Variants in GON4L observed in about 807,000 individuals in gnomAD.
GON4L encodes gon-4 like.
In GON4L, 87 loss-of-function variants were observed where a neutral mutation model predicts 211.8. The ratio of observed to expected loss-of-function variants is 0.41; its 90% CI spans 0.35 to 0.49. The LOEUF is 0.49. Ranked by LOEUF, GON4L falls within the 20% of genes least tolerant of loss-of-function variation. The pLI, the probability that GON4L is intolerant of heterozygous loss-of-function variation, is 0.15. For missense variants in GON4L, 2,155 were observed against 2,659.5 expected (o/e 0.81, Z 4.17); for synonymous variants, 875 against 962.6 (o/e 0.91, Z 1.68).
intron 2 of GON4L, among the ~76,000 whole-genome samples, chr1:155,849,136 T>C (rs1466711385): frequency 5.9e-5 from 5 of 84,588 alleles, no homozygotes; most frequent in Non-Finnish European, 6.4e-5. Flanking sequence ...CAACAGAGAC[T>C]CCATCTCAAA....
At chr1:155,748,886 C>G (rs575791452), downstream of GON4L, 4 of 1,158,266 alleles carry the variant, frequency 3.5e-6, no homozygotes, top group African/African-American at 6.2e-5. Context: ...GTTCCCTCCC[C>G]ACCCCTTAAA....
intron 2 of GON4L, chr1:155,845,262 T>C (rs1671125928): frequency 6.1e-6 from 1 of 163,120 alleles, no homozygotes; most frequent in African/African-American, 2.4e-5. Context: ...GCAACAAAAG[T>C]GACATTCGGT....
At chr1:155,781,818 A>G (rs1162009073) in intron 14 of GON4L, among the ~76,000 whole-genome samples, 1 of 151,772 alleles carries the variant, frequency 6.6e-6, no homozygotes, top group African/African-American at 2.4e-5. Flanking sequence ...GTACAGTGGC[A>G]CAATCTCAGC....
At position 155,765,157 on chromosome 1, in the gene GON4L, C is replaced by T; in HGVS notation, c.4316G>A (p.Gly1439Asp). 1 of 1,614,186 alleles carries T rather than the reference C, an allele frequency of 6.2e-7. No individual in the cohort carries two copies. Among genetic ancestry groups the T allele is most frequent in the South Asian group, 1.1e-5 (1 of 91,090 alleles). The change falls in exon 21 of 32, where the codon GGT becomes GAT. Residue 1439 changes from glycine (G) to aspartate (D), a missense_variant. Around this residue, in one of 6 missense-constraint regions of GON4L, gnomAD observed 615 missense variants for 625.7 expected, o/e 0.98. Coordinates refer to ENST00000368331, the MANE Select transcript of GON4L (RefSeq NM_001282860.2). ...GKPEDSSSVD[G>D]QSVGTPVGPE... is the part of the protein sequence containing the mutation. ...CCCAACTGGAGTCCCCACTGACTGACCATCAACACTGGATGAATCTTCTGG... is the reference window on the plus strand; with the variant it reads ...CCCAACTGGAGTCCCCACTGACTGATCATCAACACTGGATGAATCTTCTGG...
intron 11 of GON4L, among the ~76,000 whole-genome samples, chr1:155,795,858 G>A (rs1414210516): frequency 6.6e-6 from 1 of 152,126 alleles, no homozygotes; most frequent in East Asian, 1.9e-4. Context: ...GACTGGTCTT[G>A]AACTCCTGGG....
intron 8 of GON4L, 104 bp downstream of exon 8, chr1:155,815,701 G>T: frequency 1.3e-6 from 1 of 749,408 alleles, no homozygotes; most frequent in Non-Finnish European, 2.4e-6. Context: ...GAAATGAGCT[G>T]AAAAAAGAAC....
chr1:155,786,095 C>CAAA (rs950762467), intron 12 of GON4L, among the ~76,000 whole-genome samples: 19 of 55,612 alleles, frequency 3.4e-4, no homozygotes, highest in Middle Eastern at 9.6e-3. Context: ...GACTCTGTCT[C>CAAA]AAAAAACAAC....
intron 17 of GON4L, among the ~76,000 whole-genome samples, chr1:155,774,185 T>C (rs561092443): frequency 1.7e-4 from 26 of 152,348 alleles, no homozygotes; most frequent in Non-Finnish European, 3.2e-4. Flanking sequence ...TGCAAATTTC[T>C]TTAAAATACT....
rs774683992 is a variant in GON4L at position 155,766,159 on chromosome 1, A to G, written c.3314T>C (p.Leu1105Pro). ...TGGCTTTCGAAACTTAGAAGGGGCA[A>G]GGGAGGGCAGCATTACCTTGGGCAC... ...APVPKVMLPS[L>P]APSKFRKPYV... Residue 1105 changes from leucine (L) to proline (P), a missense_variant, in exon 21 of 32, where the codon CTT (leucine) becomes CCT (proline). By Grantham distance (98) the Leu-to-Pro change is moderately conservative. Coordinates refer to ENST00000368331, the MANE Select transcript of GON4L (RefSeq NM_001282860.2). The G allele has an allele frequency of 3.3e-5, 53 of 1,614,080 alleles. No individual in the cohort carries two copies. Among genetic ancestry groups the G allele is most frequent in the East Asian group, 2.2e-4 (10 of 44,864 alleles).
At chr1:155,828,740 G>A (rs558867981) in intron 2 of GON4L, among the ~76,000 whole-genome samples, 123 of 151,216 alleles carry the variant, frequency 8.1e-4, no homozygotes, top group African/African-American at 2.9e-3. Flanking sequence ...CCCAGGAGGC[G>A]GAGGTTGCAG....
At chr1:155,798,683 C>T (rs981666911) in intron 11 of GON4L, among the ~76,000 whole-genome samples, 4 of 146,874 alleles carry the variant, frequency 2.7e-5, no homozygotes, top group African/African-American at 7.5e-5. Context: ...CCTCCCAAAG[C>T]GCAGGGATTA....
At chr1:155,790,162 C>T (rs925620115) in intron 12 of GON4L, among the ~76,000 whole-genome samples, 9 of 151,842 alleles carry the variant, frequency 5.9e-5, no homozygotes, top group Non-Finnish European at 8.8e-5. Flanking sequence ...TGCAGTGGCG[C>T]GATCTCGGCT....
intron 6 of GON4L, among the ~76,000 whole-genome samples, chr1:155,817,786 T>C (rs1394482493): frequency 1.3e-5 from 2 of 152,146 alleles, no homozygotes; most frequent in African/African-American, 4.8e-5. Flanking sequence ...TAGCTGGACA[T>C]GGTGGCACAT....
intron 1 of GON4L, 133 bp from the exon 2 acceptor site, chr1:155,853,939 TG>T: frequency 1.5e-6 from 1 of 667,866 alleles, no homozygotes; most frequent in South Asian, 1.9e-5. Context: ...TCCCTTTAGG[TG>T]GAAGTTGAGA....
chr1:155,784,353 C>CCTT (rs1664720762), intron 13 of GON4L: 1 of 171,082 alleles, frequency 5.8e-6, no homozygotes, highest in Non-Finnish European at 1.1e-5. Flanking sequence ...ATCAATCTCT[C>CCTT]TCTCCTTTTT....
At chr1:155,772,297 G>A (rs1350452235) in intron 18 of GON4L, among the ~76,000 whole-genome samples, 6 of 152,044 alleles carry the variant, frequency 3.9e-5, no homozygotes, top group African/African-American at 1.2e-4. Context: ...GAATAGAAAG[G>A]AAGGAGAATA....
chr1:155,789,986 G>A (rs1665359152), intron 12 of GON4L, among the ~76,000 whole-genome samples: 2 of 151,758 alleles, frequency 1.3e-5, no homozygotes, highest in Admixed American at 6.6e-5. Flanking sequence ...AGGCTGGAGT[G>A]CAGTGGTAGT....
chr1:155,748,951 T>A (rs544778485), downstream of GON4L, among the ~76,000 whole-genome samples: 3 of 152,134 alleles, frequency 2.0e-5, no homozygotes, highest in Non-Finnish European at 4.4e-5. Flanking sequence ...CCTGATAACA[T>A]AAAAATTCTT....
intron 14 of GON4L, 128 bp downstream of exon 14, chr1:155,783,858 G>A (rs2686256): frequency 2.2e-5 from 33 of 1,529,348 alleles, no homozygotes; most frequent in African/African-American, 1.1e-4. Context: ...TCCTGACAGG[G>A]CTCTGCATCC....
Sources: allele counts gnomAD v4.1 joint callset (sites outside exome capture counted in the v4.1 genomes callset), GRCh38; gene constraint gnomAD v4.1.1; regional missense constraint gnomAD v4.1.1; transcripts MANE v1.5; gene names NCBI Gene and HGNC (gene_info 2026-07-23, HGNC 2026-07-21).